The following FAM184B variants were observed in gnomAD, a reference collection of about 807,000 sequenced individuals.
FAM184B encodes the protein protein FAM184B.
A neutral mutation model predicts 135.9 loss-of-function variants in FAM184B; 111 were observed. The ratio of observed to expected loss-of-function variants is 0.82; its 90% confidence interval spans 0.70 to 0.96. The LOEUF (loss-of-function observed/expected upper bound fraction) is 0.96, where lower values mean the gene tolerates loss of function less well. Among genes scored for constraint, FAM184B ranks in the 40% least tolerant of loss-of-function variants. The pLI, the probability that FAM184B is intolerant of heterozygous loss-of-function variation, is 0.00. For synonymous variants in FAM184B, 552 were observed against 524.8 expected, an observed-to-expected ratio of 1.05 and a Z score of -0.71; for missense variants, 1,375 against 1,323.9, an observed-to-expected ratio of 1.04 and a Z score of -0.60.
In FAM184B at chr4:17,639,368, G is replaced by A. The variant is rs554172404; in HGVS notation, c.2548C>T (p.Arg850Trp). ...CGCAGTGTCTCCACCTCCCTGGCCC[G>A]CTGGGCTTGCTGAGTCTCCTCCAGG... ...RFLEETQQAQ[R>W]AREVETLRQE... is the part of the protein sequence containing the mutation. Residue 850 changes from arginine to tryptophan, a missense_variant, in exon 14 of 18, where the codon CGG becomes TGG. Arg to Trp is a moderately radical substitution (Grantham distance 101). Transcript: ENST00000265018. 25 of 1,551,530 alleles carry A rather than the reference G, an allele frequency of 1.6e-5. No individual in the cohort carries two copies. The highest frequency in any genetic ancestry group is 1.7e-4 in the Middle Eastern group (1 of 5,986).
chr4:17,631,275 C>T lies in FAM184B; in HGVS notation c.*1257G>A, dbSNP rs951797168. ...CTATCTTGCCCAGGCTGGTCTCGAA[C>T]TCTTGGGCTCATGCTGTCCTACCTC... is the stretch of plus-strand genomic sequence containing the variant. On this transcript the variant is annotated 3_prime_UTR_variant, in exon 18 of 18. Coordinates refer to ENST00000265018, the MANE Select transcript of FAM184B (RefSeq NM_015688.2). 5.9e-5 allele frequency: 9 copies of T among 151,840 alleles called. No homozygotes were observed. The highest frequency in any genetic ancestry group is 2.2e-4 in the African/African-American group (9 of 41,288). 9.4% of individuals were successfully genotyped at this position (151,840 alleles called of 1,614,324 possible).
intron 1 of FAM184B, among the ~76,000 whole-genome samples, chr4:17,717,005 T>C (rs1717411834): frequency 6.6e-6 from 1 of 151,956 alleles, no homozygotes; most frequent in African/African-American, 2.4e-5. Flanking sequence ...AAGATGGGGT[T>C]TCACCATGTT....
intron 7 of FAM184B, among the ~76,000 whole-genome samples, chr4:17,681,202 G>A (rs1716424700): frequency 6.6e-6 from 1 of 152,204 alleles, no homozygotes; most frequent in African/African-American, 2.4e-5. Context: ...ACCACCCTTT[G>A]GGCCTTGGTT....
intron 1 of FAM184B, among the ~76,000 whole-genome samples, chr4:17,765,007 A>T (rs562531979): frequency 6.6e-6 from 1 of 152,336 alleles, no homozygotes; most frequent in East Asian, 1.9e-4. Flanking sequence ...TCAAGCCTGC[A>T]GTGAGCTATA....
intron 7 of FAM184B, among the ~76,000 whole-genome samples, chr4:17,674,476 A>G (rs1426950280): frequency 2.0e-5 from 3 of 152,194 alleles, no homozygotes; most frequent in East Asian, 3.8e-4. Flanking sequence ...GTCTTGCTCA[A>G]TGTTGATGGC....
intron 14 of FAM184B, among the ~76,000 whole-genome samples, chr4:17,637,138 T>C (rs1242088934): frequency 6.6e-6 from 1 of 152,124 alleles, no homozygotes; most frequent in Admixed American, 6.5e-5. Flanking sequence ...GCGATTCTTG[T>C]GCCTCACAGC....
At chr4:17,776,357 A>C (rs1390496069) in intron 1 of FAM184B, among the ~76,000 whole-genome samples, 2 of 152,252 alleles carry the variant, frequency 1.3e-5, no homozygotes, top group Non-Finnish European at 1.5e-5. Context: ...TGGATGGATA[A>C]GTAAATGTAA....
intron 7 of FAM184B, among the ~76,000 whole-genome samples, chr4:17,684,154 A>G (rs1371593088): frequency 6.8e-6 from 1 of 146,078 alleles, no homozygotes; most frequent in East Asian, 1.9e-4. Context: ...ATAATTATAT[A>G]ATAAAATATA....
At position 17,660,107 on chromosome 4, in the gene FAM184B, A is replaced by G. The variant is rs2108942086; in HGVS notation, c.1695-20T>C. 6.4e-7 allele frequency: 1 copy of G among 1,550,782 alleles called. No individual in the cohort carries two copies. The highest frequency in any genetic ancestry group is 1.4e-5 in the African/African-American group (1 of 73,122). On this transcript the variant is annotated intron_variant, in intron 8 of 17. Transcript: ENST00000265018. Reference sequence around the variant, plus strand: ...TTGGTCCTTTGAAGATAAGGATGCCACAATCACAAAAGATCCTAGGGCTAG... The same window carrying G: ...TTGGTCCTTTGAAGATAAGGATGCCGCAATCACAAAAGATCCTAGGGCTAG...
chr4:17,756,881 G>A (rs183646110), intron 1 of FAM184B, among the ~76,000 whole-genome samples: 37 of 152,194 alleles, frequency 2.4e-4, no homozygotes, highest in Middle Eastern at 3.4e-3. Context: ...CCAAGATCAC[G>A]TCACTGCACT....
intron 11 of FAM184B, among the ~76,000 whole-genome samples, chr4:17,650,578 T>C (rs1715588324): frequency 6.6e-6 from 1 of 152,196 alleles, no homozygotes; most frequent in Non-Finnish European, 1.5e-5. Flanking sequence ...CAGCTGCTGC[T>C]GGGTGTTGGA....
At chr4:17,723,705 A>C (rs974428110) in intron 1 of FAM184B, among the ~76,000 whole-genome samples, 3 of 152,134 alleles carry the variant, frequency 2.0e-5, no homozygotes, top group African/African-American at 7.2e-5. Flanking sequence ...TGGTCTGGAG[A>C]AAATGATTCC....
At chr4:17,751,946 A>T (rs1216365171) in intron 1 of FAM184B, among the ~76,000 whole-genome samples, 1 of 151,600 alleles carries the variant, frequency 6.6e-6, no homozygotes, top group Non-Finnish European at 1.5e-5. Context: ...ACGGAATAAG[A>T]AAAAAGGAGA....
chr4:17,755,355 T>C (rs1375838136), intron 1 of FAM184B, among the ~76,000 whole-genome samples: 2 of 152,028 alleles, frequency 1.3e-5, no homozygotes, highest in African/African-American at 4.8e-5. Flanking sequence ...AAAACCACAG[T>C]GAGACACCAT....
chr4:17,642,222 C>G lies in FAM184B; in HGVS notation c.2353G>C (p.Gly785Arg). ...KDHIIATEER[G>R]GPGQAGSPPG... ...GGGGAGCCGGCCTGGCCCGGGCCGCCCCGCTCCTGAGGAAGGCAACCAGGA... is the reference window on the plus strand; with the variant it reads ...GGGGAGCCGGCCTGGCCCGGGCCGCGCCGCTCCTGAGGAAGGCAACCAGGA... The change falls in exon 13 of 18, where the codon GGC becomes CGC. Residue 785 changes from glycine to arginine, a missense_variant. Coordinates refer to ENST00000265018, the MANE Select transcript of FAM184B (RefSeq NM_015688.2). 6.7e-7 allele frequency: 1 copy of G among 1,496,828 alleles called. No individual in the cohort carries two copies. The highest frequency in any genetic ancestry group is 1.5e-5 in the African/African-American group (1 of 68,786). 92.7% of individuals were successfully genotyped at this position (1,496,828 alleles called of 1,614,324 possible). A position where few individuals can be genotyped will look rare whatever the true frequency, so the allele number is the denominator to read the frequency against.
In FAM184B at chr4:17,720,778, C is replaced by T. The variant is rs528454475; in HGVS notation, c.142-11134G>A. Among the ~76,000 whole-genome samples the T allele has an allele frequency of 1.9e-4, 28 of 149,644 alleles. No individual in the cohort carries two copies. In the East Asian group the frequency reaches 3.6e-3, roughly 19 times the overall value. On this transcript the variant is annotated intron_variant, in intron 1 of 17. Transcript: ENST00000265018. The stretch of plus-strand genomic sequence containing the variant: ...GTGCACCCCTGTGTTCCCAGCTGCT[C>T]GAGAGGCTGAGGCGGAAGAATCGCT...
chr4:17,747,877 C>CCA (rs1560192215), intron 1 of FAM184B, among the ~76,000 whole-genome samples: 1 of 142,060 alleles, frequency 7.0e-6, no homozygotes, highest in African/African-American at 2.7e-5. Flanking sequence ...GCCGAGATTG[C>CCA]GCCACTGCAC....
In FAM184B at chr4:17,639,354, C is replaced by T. The variant is rs765356866; in HGVS notation, c.2562G>A (p.Val854=). 15 of 1,551,760 alleles carry T rather than the reference C, an allele frequency of 9.7e-6. No homozygotes were observed. The highest frequency in any genetic ancestry group is 1.3e-5 in the Non-Finnish European group (15 of 1,147,008). The part of the protein sequence containing the change: ...ETQQAQRARE[V]ETLRQEHRKE... ...TCCGGTGTTCCTGGCGCAGTGTCTC[C>T]ACCTCCCTGGCCCGCTGGGCTTGCT... Residue 854 remains valine (V), a synonymous_variant, in exon 14 of 18, where the codon GTG becomes GTA. Coordinates refer to ENST00000265018, the MANE Select transcript of FAM184B (RefSeq NM_015688.2).
chr4:17,734,955 G>T (rs1477357362), intron 1 of FAM184B, among the ~76,000 whole-genome samples: 1 of 152,150 alleles, frequency 6.6e-6, no homozygotes, highest in Non-Finnish European at 1.5e-5. Flanking sequence ...TGATAGACTG[G>T]ATTAAGAAAA....
Sources: gnomAD v4.1 joint callset for allele counts (sites outside exome capture counted in the v4.1 genomes callset) on GRCh38, gnomAD v4.1.1 for gene constraint, MANE v1.5 for transcripts, NCBI Gene and HGNC (gene_info 2026-07-23, HGNC 2026-07-21) for gene names.